Variants in KLF8 observed in about 807,000 individuals in gnomAD.
KLF8 encodes the protein Krueppel-like factor 8.
A neutral mutation model predicts 18.2 loss-of-function variants in KLF8; 10 were observed. The ratio of observed to expected loss-of-function variants is 0.55; its 90% confidence interval spans 0.34 to 0.93. The LOEUF (loss-of-function observed/expected upper bound fraction) is 0.93, where lower values mean the gene tolerates loss of function less well. Among genes scored for constraint, KLF8 ranks in the 40% least tolerant of loss-of-function variants. KLF8 has a pLI of 0.02. For synonymous variants in KLF8, 109 were observed against 97.3 expected, an observed-to-expected ratio of 1.12 and a Z score of -0.71; for missense variants, 264 against 277.9, an observed-to-expected ratio of 0.95 and a Z score of 0.36.
the KLF8 span, among the ~76,000 whole-genome samples, chrX:56,158,327 G>A: frequency 1.8e-5 from 2 of 111,820 alleles, no homozygotes; most frequent in African/African-American, 6.5e-5. Flanking sequence ...GTAGTGTGAT[G>A]CCTCCAGCTT....
At chrX:56,091,083 G>C in the KLF8 span, among the ~76,000 whole-genome samples, 1 of 111,143 alleles carries the variant, frequency 9.0e-6, no homozygotes, top group Non-Finnish European at 1.9e-5. Flanking sequence ...TAATGATATG[G>C]TTTTGCTCTG....
the KLF8 span, among the ~76,000 whole-genome samples, chrX:56,065,739 G>C: frequency 2.7e-5 from 3 of 111,345 alleles, no homozygotes; most frequent in African/African-American, 6.5e-5. Context: ...TTGTTGGTTG[G>C]GTAGGGAACT....
chrX:55,961,663 G>T, the KLF8 span: 1 of 409,323 alleles, frequency 2.4e-6, no homozygotes, highest in Non-Finnish European at 4.6e-6. Context: ...GCTCAGCCAG[G>T]ATGTCCAAAC....
At chrX:55,947,059 T>C in the KLF8 span, among the ~76,000 whole-genome samples, 11 of 111,552 alleles carry the variant, frequency 9.9e-5, no homozygotes, top group South Asian at 3.8e-4. Flanking sequence ...CTAGTTCAAC[T>C]ATTGTGGAAG....
chrX:56,182,997 T>G, the KLF8 span, among the ~76,000 whole-genome samples: 18 of 112,706 alleles, frequency 1.6e-4, no homozygotes, highest in African/African-American at 5.5e-4. Context: ...TCTTCAAAGC[T>G]GTCAGACATG....
chrX:56,105,763 A>G, the KLF8 span, among the ~76,000 whole-genome samples: 1 of 111,429 alleles, frequency 9.0e-6, no homozygotes, highest in East Asian at 2.8e-4. Flanking sequence ...TGTCATTATG[A>G]TGTTAGGTAG....
the KLF8 span, among the ~76,000 whole-genome samples, chrX:56,049,317 G>A: frequency 9.0e-6 from 1 of 111,574 alleles, no homozygotes; most frequent in African/African-American, 3.3e-5. Context: ...AATAAGAGTG[G>A]TGAGAGAAGG....
At chrX:56,281,313 G>A (rs1353555764) in intron 5 of KLF8, among the ~76,000 whole-genome samples, 1 of 111,967 alleles carries the variant, frequency 8.9e-6, no homozygotes, top group East Asian at 2.8e-4. Context: ...GCCACCAGCT[G>A]CCTGGGTTGC....
At chrX:55,955,339 G>A in the KLF8 span, among the ~76,000 whole-genome samples, 2 of 111,407 alleles carry the variant, frequency 1.8e-5, no homozygotes, top group South Asian at 3.8e-4. Context: ...TGTGATAGTA[G>A]TAGGAGATGA....
chrX:56,166,830 G>A, the KLF8 span, among the ~76,000 whole-genome samples: 1 of 111,501 alleles, frequency 9.0e-6, no homozygotes, highest in Non-Finnish European at 1.9e-5. Context: ...TTTGTTAGCA[G>A]GCTGGGTTGA....
the KLF8 span, among the ~76,000 whole-genome samples, chrX:56,185,455 A>C: frequency 8.9e-6 from 1 of 112,158 alleles, no homozygotes; most frequent in East Asian, 2.8e-4. Flanking sequence ...ACTCTGCAGG[A>C]TATTATCCAG....
chrX:55,999,285 A>C, the KLF8 span, among the ~76,000 whole-genome samples: 1 of 33,571 alleles, frequency 3.0e-5, no homozygotes, highest in Non-Finnish European at 5.6e-5. Flanking sequence ...ATGCCTCCAG[A>C]TTTTTTTTTT....
At chrX:56,077,094 C>T in the KLF8 span, among the ~76,000 whole-genome samples, 1 of 111,454 alleles carries the variant, frequency 9.0e-6, no homozygotes, top group Non-Finnish European at 1.9e-5. Context: ...TGTAGGTTGC[C>T]TGTTCACTCT....
rs775574500 is a variant in KLF8, at chrX:56,267,220, A to C, written c.646+1476A>C. On this transcript the variant is annotated intron_variant, in intron 3 of 5. Coordinates refer to ENST00000468660, the MANE Select transcript of KLF8 (RefSeq NM_007250.5). ...GTTCCAAGCTAAGGGCATTGGCCCA[A>C]TGGTGTCTGTATTAGTTCGTTTTCA... 553 of 749,273 alleles carry C rather than the reference A, an allele frequency of 7.4e-4. 1 individual carries two copies. The highest frequency in any genetic ancestry group is 8.3e-4 in the Non-Finnish European group (527 of 636,209). The allele number at this position is 749,273 out of a possible 1,213,427, so 61.7% of individuals were successfully genotyped here. A position where few individuals can be genotyped will look rare whatever the true frequency, so the allele number is the denominator to read the frequency against.
At chrX:56,008,352 G>A in the KLF8 span, among the ~76,000 whole-genome samples, 1 of 109,608 alleles carries the variant, frequency 9.1e-6, no homozygotes, top group Non-Finnish European at 1.9e-5. Flanking sequence ...TGGGACTGAC[G>A]AGGCAGTTAG....
At chrX:56,243,195 G>C (rs2066571039) in intron 1 of KLF8, 3 of 494,553 alleles carry the variant, frequency 6.1e-6, no homozygotes, top group Non-Finnish European at 1.1e-5. Context: ...TAGTAGTCAA[G>C]CTTGTTTCTC....
the KLF8 span, among the ~76,000 whole-genome samples, chrX:56,130,184 C>T: frequency 9.0e-6 from 1 of 111,529 alleles, no homozygotes; most frequent in Admixed American, 9.5e-5. Context: ...ATCCTCACCT[C>T]CTGGCAGGAG....
the KLF8 span, among the ~76,000 whole-genome samples, chrX:55,937,515 C>T: frequency 8.9e-6 from 1 of 112,650 alleles, no homozygotes; most frequent in Non-Finnish European, 1.9e-5. Flanking sequence ...TGGAACAAAG[C>T]TGGACGGAGA....
At chrX:56,039,322 C>G in the KLF8 span, among the ~76,000 whole-genome samples, 1 of 111,684 alleles carries the variant, frequency 9.0e-6, no homozygotes, top group Admixed American at 9.5e-5. Flanking sequence ...AGATTTTCTT[C>G]TAGAGTTATT....
Sources: gnomAD v4.1 joint callset for allele counts (sites outside exome capture counted in the v4.1 genomes callset) on GRCh38, gnomAD v4.1.1 for gene constraint, MANE v1.5 for transcripts, NCBI Gene and HGNC (gene_info 2026-07-23, HGNC 2026-07-21) for gene names.